Variants in MCC observed in about 807,000 individuals in gnomAD.
The protein encoded by MCC is colorectal mutant cancer protein.
A neutral mutation model predicts 116.2 loss-of-function variants in MCC; 90 were observed. The ratio of observed to expected loss-of-function variants is 0.77; its 90% confidence interval spans 0.65 to 0.92. MCC has a LOEUF of 0.92. Among genes scored for constraint, MCC ranks in the 40% least tolerant of loss-of-function variants. The pLI is 0.00. For missense variants in MCC, 1,516 were observed against 1,312.2 expected (o/e 1.16, Z -2.40); for synonymous variants, 578 against 510.5 (o/e 1.13, Z -1.78).
intron 3 of MCC, among the ~76,000 whole-genome samples, chr5:113,164,942 T>C (rs1311682209): frequency 2.6e-5 from 4 of 152,174 alleles, no homozygotes; most frequent in Non-Finnish European, 5.9e-5. Context: ...CTCCCCTGTA[T>C]AGGTAAAGGG....
At chr5:113,293,868 C>T (rs1766606138) in intron 3 of MCC, among the ~76,000 whole-genome samples, 1 of 152,138 alleles carries the variant, frequency 6.6e-6, no homozygotes, top group African/African-American at 2.4e-5. Context: ...CCAAACGCAT[C>T]GCACGTGGGA....
chr5:113,144,719 G>A (rs1759388177), intron 4 of MCC, among the ~76,000 whole-genome samples: 1 of 152,210 alleles, frequency 6.6e-6, no homozygotes, highest in South Asian at 2.1e-4. Flanking sequence ...CAGTATTTAT[G>A]TAACTTCCTG....
rs1046161537 is a variant in MCC at position 113,029,064 on chromosome 5, A to G, written c.2757-8T>C. 9.3e-6 allele frequency: 15 copies of G among 1,605,402 alleles called. No homozygotes were observed. The highest frequency in any genetic ancestry group is 1.1e-5 in the Non-Finnish European group (13 of 1,174,598). ...GCCTTCAACTTCTTTTCTCTATATTAAAGGAGACAAAATATGCCAGGAGTA... is the reference window on the plus strand; with the variant it reads ...GCCTTCAACTTCTTTTCTCTATATTGAAGGAGACAAAATATGCCAGGAGTA... On this transcript the variant is annotated splice_polypyrimidine_tract_variant and splice_region_variant and intron_variant, in intron 17 of 18. Coordinates refer to ENST00000408903, the MANE Select transcript of MCC (RefSeq NM_001085377.2).
At chr5:113,394,992 C>A (rs891744711) in intron 1 of MCC, among the ~76,000 whole-genome samples, 13 of 152,092 alleles carry the variant, frequency 8.5e-5, no homozygotes, top group East Asian at 7.7e-4. Context: ...GCCCACAAAA[C>A]CAAAAATATA....
intron 3 of MCC, chr5:113,294,223 G>A: frequency 7.1e-7 from 1 of 1,405,806 alleles, no homozygotes; most frequent in Non-Finnish European, 9.8e-7. Flanking sequence ...CAGACTGGGA[G>A]CACAGGGGGA....
intron 2 of MCC, among the ~76,000 whole-genome samples, chr5:113,342,575 T>A (rs1411937991): frequency 6.6e-6 from 1 of 152,208 alleles, no homozygotes; most frequent in Non-Finnish European, 1.5e-5. Flanking sequence ...TCTAACTCAG[T>A]CCATCTGGAG....
At chr5:113,229,187 A>G (rs1447794487) in intron 3 of MCC, among the ~76,000 whole-genome samples, 1 of 152,178 alleles carries the variant, frequency 6.6e-6, no homozygotes, top group African/African-American at 2.4e-5. Context: ...GGGGCTGAAG[A>G]ATCGGCAGAG....
intron 6 of MCC, among the ~76,000 whole-genome samples, chr5:113,110,019 A>G (rs1381057059): frequency 2.6e-5 from 4 of 151,854 alleles, no homozygotes; most frequent in Non-Finnish European, 5.9e-5. Context: ...GGATCTCATT[A>G]CATTGCCCAG....
chr5:113,340,049 C>T (rs768381479), intron 3 of MCC, among the ~76,000 whole-genome samples: 5 of 152,250 alleles, frequency 3.3e-5, no homozygotes, highest in Admixed American at 2.0e-4. Flanking sequence ...GTAAATTACA[C>T]ATAATGGCCT....
intron 1 of MCC, among the ~76,000 whole-genome samples, chr5:113,441,986 T>C (rs1156720953): frequency 6.6e-6 from 1 of 152,222 alleles, no homozygotes; most frequent in East Asian, 1.9e-4. Context: ...GAATGATTTA[T>C]AATCCTTTGG....
At chr5:113,346,785 C>T (rs1026489107) in intron 2 of MCC, among the ~76,000 whole-genome samples, 1 of 152,058 alleles carries the variant, frequency 6.6e-6, no homozygotes, top group African/African-American at 2.4e-5. Flanking sequence ...AATAATCAAA[C>T]TCCCAAAGGT....
At chr5:113,420,274 GCAA>G (rs908326841) in intron 1 of MCC, among the ~76,000 whole-genome samples, 40 of 146,406 alleles carry the variant, frequency 2.7e-4, no homozygotes, top group Admixed American at 6.7e-4. Context: ...AAAAGCAAGT[GCAA>G]CAACAACAGC....
intron 6 of MCC, among the ~76,000 whole-genome samples, chr5:113,107,215 T>TG (rs1756793062): frequency 7.7e-6 from 1 of 129,154 alleles, no homozygotes; most frequent in Non-Finnish European, 1.5e-5. Flanking sequence ...TTTCTTTTTT[T>TG]TTTTTCTTTT....
At chr5:113,364,238 G>GAAAAAAAAAAAAAAAAAAAAACAAAAAA (rs1768626337) in intron 2 of MCC, among the ~76,000 whole-genome samples, 1 of 49,422 alleles carries the variant, frequency 2.0e-5, no homozygotes, top group Non-Finnish European at 3.6e-5. Context: ...CTCAAAAACA[G>GAAAAAAAAAAAAAAAAAAAAACAAAAAA]AAAAAAAAAA....
chr5:113,121,674 A>T (rs1757744182), intron 6 of MCC, among the ~76,000 whole-genome samples: 1 of 152,214 alleles, frequency 6.6e-6, no homozygotes, highest in Admixed American at 6.5e-5. Context: ...CAAATATGTA[A>T]TATTTGATTA....
chr5:113,298,961 G>A (rs1766781363), intron 3 of MCC, among the ~76,000 whole-genome samples: 2 of 152,086 alleles, frequency 1.3e-5, no homozygotes, highest in Non-Finnish European at 2.9e-5. Flanking sequence ...TTCAAGTATA[G>A]GTGGGACATG....
intron 3 of MCC, among the ~76,000 whole-genome samples, chr5:113,159,624 C>G (rs1760370945): frequency 6.6e-6 from 1 of 152,200 alleles, no homozygotes; most frequent in Non-Finnish European, 1.5e-5. Flanking sequence ...CAAGAAACAT[C>G]TGCACATGAA....
chr5:113,477,309 A>G (rs1358854442), intron 1 of MCC, among the ~76,000 whole-genome samples: 2 of 152,228 alleles, frequency 1.3e-5, no homozygotes, highest in African/African-American at 4.8e-5. Context: ...TATAAACTTA[A>G]TAACAAACAG....
chr5:113,241,732 A>G (rs1030129857), intron 3 of MCC, among the ~76,000 whole-genome samples: 2 of 152,196 alleles, frequency 1.3e-5, no homozygotes, highest in Non-Finnish European at 2.9e-5. Context: ...ATGTAATCTG[A>G]GCCAGGGGTC....
Sources: gnomAD v4.1 joint callset for allele counts (sites outside exome capture counted in the v4.1 genomes callset) on GRCh38, gnomAD v4.1.1 for gene constraint, MANE v1.5 for transcripts, NCBI Gene and HGNC (gene_info 2026-07-23, HGNC 2026-07-21) for gene names.